The following KCNT2 variants were observed in gnomAD, a reference collection of about 807,000 sequenced individuals.
KCNT2 encodes the protein potassium channel subfamily T member 2.
KCNT2 carries 67 observed loss-of-function variants against 153.8 expected under a neutral mutation model. The observed-to-expected ratio is 0.44, with a 90% CI of 0.36 to 0.53. The LOEUF is 0.53. Among genes scored for constraint, KCNT2 ranks in the 20% least tolerant of loss-of-function variants. The pLI, the probability that KCNT2 is intolerant of heterozygous loss-of-function variation, is 0.00. For missense variants in KCNT2, 975 were observed against 1,354.8 expected (o/e 0.72, Z 4.40); for synonymous variants, 500 against 458.8 (o/e 1.09, Z -1.15).
chr1:196,597,708 G>T (rs1024292678), intron 1 of KCNT2, among the ~76,000 whole-genome samples: 1 of 152,114 alleles, frequency 6.6e-6, no homozygotes, highest in Non-Finnish European at 1.5e-5. Flanking sequence ...ATACAAATTT[G>T]TGGAAGTCAT....
At chr1:196,545,002 AG>A (rs935487528) in intron 1 of KCNT2, among the ~76,000 whole-genome samples, 15 of 152,252 alleles carry the variant, frequency 9.9e-5, no homozygotes, top group Non-Finnish European at 1.0e-4. Flanking sequence ...ACAGGAAAAA[AG>A]GGGGAAAAAA....
At chr1:196,470,026 A>G (rs1677952916) in intron 5 of KCNT2, among the ~76,000 whole-genome samples, 1 of 152,214 alleles carries the variant, frequency 6.6e-6, no homozygotes, top group Admixed American at 6.5e-5. Context: ...CCCAAAGGAA[A>G]GTTGTAGAGC....
At chr1:196,228,423 T>G (rs1404345278) in intron 27 of KCNT2, 88 bp from the exon 28 acceptor site, 1 of 713,234 alleles carries the variant, frequency 1.4e-6, no homozygotes, top group Non-Finnish European at 2.4e-6. Context: ...TCTAATTTAT[T>G]TGTTCAGTTT....
intron 22 of KCNT2, among the ~76,000 whole-genome samples, chr1:196,302,984 T>C (rs1661323252): frequency 6.7e-6 from 1 of 149,492 alleles, no homozygotes; most frequent in South Asian, 2.1e-4. Flanking sequence ...ATGGGAAAAA[T>C]CTAAAAGACA....
At chr1:196,281,088 G>A (rs966415767) in intron 24 of KCNT2, 100 bp from the exon 25 acceptor site, 4 of 882,996 alleles carry the variant, frequency 4.5e-6, no homozygotes, top group Non-Finnish European at 7.0e-6. Context: ...TGGGGGGCAG[G>A]GTCTCACTCT....
intron 13 of KCNT2, among the ~76,000 whole-genome samples, chr1:196,397,886 G>C (rs556501701): frequency 6.6e-6 from 1 of 151,378 alleles, no homozygotes; most frequent in South Asian, 2.1e-4. Flanking sequence ...TGGGATATTT[G>C]TGATTGTGGG....
chr1:196,510,286 T>A (rs1572683906), intron 1 of KCNT2, among the ~76,000 whole-genome samples: 1 of 152,242 alleles, frequency 6.6e-6, no homozygotes, highest in East Asian at 1.9e-4. Flanking sequence ...TAATAAACCC[T>A]GGGCACTATG....
intron 19 of KCNT2, among the ~76,000 whole-genome samples, chr1:196,326,189 C>T (rs995101038): frequency 6.6e-6 from 1 of 151,888 alleles, no homozygotes; most frequent in African/African-American, 2.4e-5. Flanking sequence ...TAAACCAATC[C>T]AATATTTTCC....
chr1:196,593,311 T>TATATATATATACACAC (rs1256165838), intron 1 of KCNT2, among the ~76,000 whole-genome samples: 74 of 140,208 alleles, frequency 5.3e-4, no homozygotes, highest in African/African-American at 1.9e-3. Context: ...TATATATATA[T>TATATATATATACACAC]ACACACACAC....
chr1:196,356,142 G>A (rs1667155356), intron 14 of KCNT2, among the ~76,000 whole-genome samples: 1 of 151,758 alleles, frequency 6.6e-6, no homozygotes, highest in South Asian at 2.1e-4. Flanking sequence ...CATTTCTGCT[G>A]TCTCTCCATG....
At chr1:196,340,237 A>C in intron 16 of KCNT2, 104 bp downstream of exon 16, 1 of 729,362 alleles carries the variant, frequency 1.4e-6, no homozygotes, top group Non-Finnish European at 2.2e-6. Context: ...AGCATGTTTG[A>C]AATTTTCTTT....
chr1:196,480,040 C>G (rs1056807362), intron 4 of KCNT2, among the ~76,000 whole-genome samples: 1 of 152,144 alleles, frequency 6.6e-6, no homozygotes. Context: ...ATCCTTTTAT[C>G]TTTTTCTATA....
At chr1:196,417,450 T>G (rs1672845839) in intron 12 of KCNT2, among the ~76,000 whole-genome samples, 1 of 152,088 alleles carries the variant, frequency 6.6e-6, no homozygotes, top group Non-Finnish European at 1.5e-5. Flanking sequence ...GCCTTCTCTC[T>G]CCTTCCTACT....
chr1:196,367,362 T>C (rs1328983881), intron 14 of KCNT2, among the ~76,000 whole-genome samples: 1 of 152,134 alleles, frequency 6.6e-6, no homozygotes, highest in Non-Finnish European at 1.5e-5. Context: ...ATGTAAAACT[T>C]AGGTGATCTC....
intron 25 of KCNT2, among the ~76,000 whole-genome samples, chr1:196,267,850 G>A (rs1017266021): frequency 6.6e-6 from 1 of 152,148 alleles, no homozygotes; most frequent in African/African-American, 2.4e-5. Context: ...TAAGTCACTT[G>A]CAGGAAGGAA....
chr1:196,570,767 ACTTG>A (rs937810854), intron 1 of KCNT2, among the ~76,000 whole-genome samples: 2 of 152,120 alleles, frequency 1.3e-5, no homozygotes, highest in African/African-American at 4.8e-5. Flanking sequence ...ATAGATTCTT[ACTTG>A]CTACTGGATC....
intron 25 of KCNT2, chr1:196,273,340 G>A: frequency 1.6e-6 from 1 of 634,442 alleles, no homozygotes; most frequent in East Asian, 2.9e-5. Flanking sequence ...ATGCATTTAA[G>A]TTTAAATGAT....
At chr1:196,250,223 G>C (rs1655835136) in intron 26 of KCNT2, among the ~76,000 whole-genome samples, 1 of 152,132 alleles carries the variant, frequency 6.6e-6, no homozygotes, top group African/African-American at 2.4e-5. Context: ...AACTAAAGCA[G>C]CATGGTACTG....
At position 196,305,259 on chromosome 1, in the gene KCNT2, G is replaced by A. The variant is rs1256854975; in HGVS notation, c.2570C>T (p.Ser857Phe). The A allele has an allele frequency of 6.2e-7, 1 of 1,610,938 alleles. No homozygotes were observed. Among genetic ancestry groups the A allele is most frequent in the South Asian group, 1.1e-5 (1 of 91,034 alleles). ...FMQFRAKDCYSLALSKLEKKE... is the reference protein window; with the variant it reads ...FMQFRAKDCYFLALSKLEKKE... ...CTTTTCCAGTTTTGAAAGAGCAAGA[G>A]AGTAACAGTCTTTGGCTCTGAATTG... Residue 857 changes from serine (S) to phenylalanine (F), a missense_variant, in exon 22 of 28, where the codon TCT becomes TTT. Ser to Phe is a radical substitution (Grantham distance 155). Coordinates refer to ENST00000294725, the MANE Select transcript of KCNT2 (RefSeq NM_198503.5).
Sources: allele counts gnomAD v4.1 joint callset (sites outside exome capture counted in the v4.1 genomes callset), GRCh38; gene constraint gnomAD v4.1.1; transcripts MANE v1.5; gene names NCBI Gene and HGNC (gene_info 2026-07-23, HGNC 2026-07-21).